Variants in NBAS observed in about 807,000 individuals in gnomAD.
NBAS encodes NAG/BC035112 fusion.
Under a neutral mutation model 302.5 loss-of-function variants are expected in NBAS, and 219 were observed. The observed-to-expected ratio is 0.72, with a 90% CI of 0.65 to 0.81. The LOEUF (loss-of-function observed/expected upper bound fraction) is 0.81. NBAS is among the 30% of genes least tolerant of loss of function. The probability of loss-of-function intolerance (pLI) is 0.00; values close to 1 mark genes in which losing one functional copy is unlikely to be tolerated. For synonymous variants in NBAS, 1,118 were observed against 1,021.6 expected (o/e 1.09, Z -1.80); for missense variants, 2,932 against 2,841.6 (o/e 1.03, Z -0.72).
intron 48 of NBAS, among the ~76,000 whole-genome samples, chr2:15,198,682 T>C (rs1307299076): frequency 6.6e-6 from 1 of 152,162 alleles, no homozygotes; most frequent in Non-Finnish European, 1.5e-5. Flanking sequence ...TAAATCCTAG[T>C]GGTCAGCAGG....
rs148629408 is a variant in NBAS, at chr2:15,344,850, G to A, written c.4179+7142C>T. On this transcript the variant is annotated intron_variant, in intron 35 of 51. Coordinates refer to ENST00000281513, the MANE Select transcript of NBAS (RefSeq NM_015909.4). ...GGCTTCATCCCTGGGATGCAAGGCT[G>A]GTTCAAAATACAAAATCAATAAATG... 2.1e-3 allele frequency among the ~76,000 whole-genome samples: 320 copies of A among 152,224 alleles called. 3 individuals are homozygous for A. Among genetic ancestry groups the A allele is most frequent in the African/African-American group, 7.5e-3 (310 of 41,544 alleles).
the NBAS span, among the ~76,000 whole-genome samples, chr2:14,820,533 G>A: frequency 1.3e-5 from 2 of 152,170 alleles, no homozygotes; most frequent in South Asian, 4.1e-4. Context: ...TAGCACAGGG[G>A]TTAGTGGGGA....
the NBAS span, among the ~76,000 whole-genome samples, chr2:14,871,926 C>T: frequency 2.0e-5 from 3 of 152,188 alleles, no homozygotes; most frequent in East Asian, 5.8e-4. Flanking sequence ...CTAAACACAA[C>T]AATTTGTAGA....
intron 51 of NBAS, among the ~76,000 whole-genome samples, chr2:15,169,580 T>C (rs567509844): frequency 6.6e-6 from 1 of 152,224 alleles, no homozygotes; most frequent in East Asian, 1.9e-4. Context: ...GCAGGTTCAG[T>C]GAGGTCAAGT....
chr2:15,208,676 A>C (rs1666261202), intron 48 of NBAS, among the ~76,000 whole-genome samples: 1 of 152,130 alleles, frequency 6.6e-6, no homozygotes, highest in African/African-American at 2.4e-5. Context: ...TTAAAACATT[A>C]AAAAAATGGA....
chr2:15,342,744 A>G (rs555551455), intron 35 of NBAS, among the ~76,000 whole-genome samples: 85 of 152,078 alleles, frequency 5.6e-4, no homozygotes, highest in Non-Finnish European at 1.0e-3. Flanking sequence ...AGTTATACAT[A>G]TATCCATGTA....
intron 44 of NBAS, among the ~76,000 whole-genome samples, chr2:15,254,885 C>A (rs1668520608): frequency 6.6e-6 from 1 of 151,988 alleles, no homozygotes; most frequent in African/African-American, 2.4e-5. Context: ...CTTTTTATGG[C>A]TGAGTAGTGT....
chr2:15,050,122 C>T, the NBAS span, among the ~76,000 whole-genome samples: 1 of 152,178 alleles, frequency 6.6e-6, no homozygotes, highest in South Asian at 2.1e-4. Context: ...TTTCTTCAAC[C>T]ACTCGAGGTC....
chr2:14,877,607 C>T, the NBAS span, among the ~76,000 whole-genome samples: 2,397 of 152,142 alleles, frequency 0.016, 77 homozygotes, highest in African/African-American at 0.055. Flanking sequence ...CTTCTTTAGG[C>T]CTGGGGAGTT....
intron 19 of NBAS, among the ~76,000 whole-genome samples, chr2:15,466,581 A>G (rs1679733386): frequency 2.6e-5 from 4 of 152,170 alleles, no homozygotes; most frequent in Non-Finnish European, 5.9e-5. Context: ...TTAAGCTCAA[A>G]TAATCTAACT....
the NBAS span, among the ~76,000 whole-genome samples, chr2:14,998,284 T>A: frequency 6.6e-6 from 1 of 152,214 alleles, no homozygotes; most frequent in African/African-American, 2.4e-5. Flanking sequence ...ACTTAAGAGA[T>A]GTGCCCACAT....
the NBAS span, among the ~76,000 whole-genome samples, chr2:15,128,556 G>T: frequency 1.3e-5 from 2 of 152,168 alleles, no homozygotes; most frequent in East Asian, 3.9e-4. Flanking sequence ...CCTACAAAGT[G>T]GGACACGATC....
chr2:14,983,529 C>T, the NBAS span, among the ~76,000 whole-genome samples: 3 of 152,168 alleles, frequency 2.0e-5, no homozygotes, highest in African/African-American at 7.2e-5. Flanking sequence ...CAACTCCAGG[C>T]ATGTAATAAG....
chr2:15,317,508 G>A (rs975641844), intron 38 of NBAS, among the ~76,000 whole-genome samples: 2 of 152,134 alleles, frequency 1.3e-5, no homozygotes, highest in Non-Finnish European at 2.9e-5. Context: ...CTTGAAAAAG[G>A]GTTAGACGAA....
At chr2:15,305,449 G>GCTTTT (rs766552962) in intron 40 of NBAS, among the ~76,000 whole-genome samples, 2 of 123,804 alleles carry the variant, frequency 1.6e-5, no homozygotes, top group Non-Finnish European at 1.7e-5. Flanking sequence ...GTCTCGAGCA[G>GCTTTT]TTTTTTTTTT....
chr2:15,293,578 C>T (rs1213663827), intron 40 of NBAS, among the ~76,000 whole-genome samples: 1 of 151,924 alleles, frequency 6.6e-6, no homozygotes, highest in East Asian at 1.9e-4. Flanking sequence ...GAGTTTAATA[C>T]TTGAACAGCA....
the NBAS span, among the ~76,000 whole-genome samples, chr2:15,083,382 G>A: frequency 6.6e-6 from 1 of 152,186 alleles, no homozygotes; most frequent in African/African-American, 2.4e-5. Flanking sequence ...GCCTTTTAAT[G>A]CTTTTAAAAT....
chr2:14,789,130 C>T, the NBAS span, among the ~76,000 whole-genome samples: 1 of 152,220 alleles, frequency 6.6e-6, no homozygotes, highest in Non-Finnish European at 1.5e-5. Context: ...ATAGGACCCT[C>T]TGAGCCATGT....
chr2:15,416,662 C>A (rs2148461605), intron 24 of NBAS, among the ~76,000 whole-genome samples: 2 of 151,762 alleles, frequency 1.3e-5, no homozygotes, highest in South Asian at 4.2e-4. Context: ...AAAAATTAGC[C>A]TGGTGTGGTG....
Sources: allele counts gnomAD v4.1 joint callset (sites outside exome capture counted in the v4.1 genomes callset), GRCh38; gene constraint gnomAD v4.1.1; transcripts MANE v1.5; gene names NCBI Gene and HGNC (gene_info 2026-07-23, HGNC 2026-07-21).